PCDH15: variants seen among roughly 807,000 people sequenced by gnomAD.
PCDH15 encodes the protein protocadherin related 15.
In PCDH15, 129 loss-of-function variants were observed where a neutral mutation model predicts 178.5. The ratio of observed to expected loss-of-function variants is 0.72; its 90% confidence interval spans 0.63 to 0.84. The LOEUF is 0.84. Among genes scored for constraint, PCDH15 ranks in the 40% least tolerant of loss-of-function variants. The pLI, the probability that PCDH15 is intolerant of heterozygous loss-of-function variation, is 0.00. For missense variants in PCDH15, 2,230 were observed against 2,099.9 expected, an observed-to-expected ratio of 1.06 and a Z score of -1.21; for synonymous variants, 800 against 732.0, an observed-to-expected ratio of 1.09 and a Z score of -1.50.
intron 2 of PCDH15, among the ~76,000 whole-genome samples, chr10:55,368,217 T>C (rs60254960): frequency 0.015 from 2,283 of 152,170 alleles, 52 homozygotes; most frequent in African/African-American, 0.052. Flanking sequence ...AATGATTTCA[T>C]GTAATCAACA....
chr10:54,606,063 C>A (rs958411197), intron 2 of PCDH15: 1 of 152,088 alleles, frequency 6.6e-6, no homozygotes, highest in Non-Finnish European at 1.5e-5. Flanking sequence ...AATGGCAACA[C>A]CAATAGCTCT....
At chr10:54,891,621 T>C (rs925978609) in intron 3 of PCDH15, among the ~76,000 whole-genome samples, 1 of 152,162 alleles carries the variant, frequency 6.6e-6, no homozygotes, top group Non-Finnish European at 1.5e-5. Flanking sequence ...TTGAGAATTC[T>C]GAAAGCCTCA....
At chr10:54,960,276 TA>T (rs1564665776) in intron 2 of PCDH15, among the ~76,000 whole-genome samples, 1 of 152,130 alleles carries the variant, frequency 6.6e-6, no homozygotes, top group Non-Finnish European at 1.5e-5. Flanking sequence ...AATATAGAAA[TA>T]AAAATACCAG....
At position 54,471,109 on chromosome 10, in the gene PCDH15, G is replaced by T. The variant is rs947549899; in HGVS notation, c.157+56703C>A. ...CATATAATCATTCTGTATGTTACAT[G>T]TATTGTACAATATAGTTTTACAACA... is the stretch of plus-strand genomic sequence containing the variant. On this transcript the variant is annotated intron_variant, in intron 3 of 37. Transcript: ENST00000644397. Among the ~76,000 whole-genome samples the T allele has an allele frequency of 6.6e-4, 101 of 152,136 alleles. 1 individual carries two copies. Among genetic ancestry groups the T allele is most frequent in the Non-Finnish European group, 9.4e-4 (64 of 68,024 alleles).
At chr10:55,061,856 CT>C (rs1297635787) in intron 2 of PCDH15, among the ~76,000 whole-genome samples, 1 of 152,050 alleles carries the variant, frequency 6.6e-6, no homozygotes, top group Non-Finnish European at 1.5e-5. Flanking sequence ...CCCGACTCTA[CT>C]AAAAATACAA....
rs144228108 is a variant in PCDH15 at position 55,264,294 on chromosome 10, G to A, written c.-156+55305C>T. ...GCCAGGCCACAGGCACAATATAAATGGGCAAGACCAATTCTTGCCGATTAA... is the reference window on the plus strand; with the variant it reads ...GCCAGGCCACAGGCACAATATAAATAGGCAAGACCAATTCTTGCCGATTAA... On this transcript the variant is annotated intron_variant, in intron 1 of 5. Transcript: ENST00000458638. 3.1e-3 allele frequency among the ~76,000 whole-genome samples: 475 copies of A among 152,212 alleles called. 1 individual carries two copies. The highest frequency in any genetic ancestry group is 5.0e-3 in the Non-Finnish European group (342 of 68,022).
intron 18 of PCDH15, among the ~76,000 whole-genome samples, chr10:54,044,327 T>C (rs1366832058): frequency 1.3e-5 from 2 of 152,236 alleles, no homozygotes; most frequent in Non-Finnish European, 1.5e-5. Context: ...GTTAAAGGTA[T>C]ATAGAAGTGG....
chr10:55,434,483 T>C (rs1838984708), intron 2 of PCDH15, among the ~76,000 whole-genome samples: 2 of 152,238 alleles, frequency 1.3e-5, no homozygotes, highest in Non-Finnish European at 2.9e-5. Flanking sequence ...TGTCAAATTA[T>C]GGGTTAAAAT....
chr10:54,359,340 T>C (rs1410201779), intron 5 of PCDH15, among the ~76,000 whole-genome samples: 2 of 148,056 alleles, frequency 1.4e-5, no homozygotes, highest in Non-Finnish European at 2.9e-5. Context: ...TGTTGGTTTA[T>C]TAGTTGTTAC....
chr10:54,307,118 A>G (rs1381617991), intron 8 of PCDH15, among the ~76,000 whole-genome samples: 1,155 of 46,512 alleles, frequency 0.025, 175 homozygotes, highest in Admixed American at 0.11. Context: ...ATATATATAT[A>G]TATATATATA....
At chr10:55,595,087 C>T (rs4342935) in intron 2 of PCDH15, among the ~76,000 whole-genome samples, 103,871 of 151,870 alleles carry the variant, frequency 0.68, 35,838 homozygotes, top group African/African-American at 0.77. Context: ...AATATGAAAA[C>T]TATACAAATA....
chr10:54,734,475 C>A (rs1187950349), intron 1 of PCDH15, among the ~76,000 whole-genome samples: 2 of 151,914 alleles, frequency 1.3e-5, no homozygotes, highest in Non-Finnish European at 2.9e-5. Context: ...GATAAGACAA[C>A]AACTTTGGAA....
At chr10:55,195,983 A>G (rs987808156) in intron 1 of PCDH15, among the ~76,000 whole-genome samples, 22 of 152,066 alleles carry the variant, frequency 1.4e-4, no homozygotes, top group African/African-American at 1.9e-4. Context: ...CAAAAGAAAA[A>G]TATTTTTATT....
At position 54,074,839 on chromosome 10, in the gene PCDH15, C is replaced by A. The variant is rs141690748; in HGVS notation, c.2091+4492G>T. Among the ~76,000 whole-genome samples the A allele has an allele frequency of 9.0e-3, 1,375 of 152,260 alleles. 15 individuals carry two copies. The highest frequency in any genetic ancestry group is 0.031 in the African/African-American group (1,308 of 41,558). The stretch of plus-strand genomic sequence containing the variant: ...GTGCACAAGGGTTCCAATTTTTCCA[C>A]ATCCTCATCAACATGTTATGTTGTT... On this transcript the variant is annotated intron_variant, in intron 17 of 37. Transcript: ENST00000644397.
At chr10:55,260,264 T>C (rs951023296) in intron 1 of PCDH15, among the ~76,000 whole-genome samples, 127 of 152,216 alleles carry the variant, frequency 8.3e-4, no homozygotes, top group African/African-American at 3.0e-3. Context: ...TACAATTTCA[T>C]ATTCTAATTT....
At chr10:53,841,993 T>G (rs1234171463) in intron 28 of PCDH15, among the ~76,000 whole-genome samples, 1 of 149,496 alleles carries the variant, frequency 6.7e-6, no homozygotes, top group Non-Finnish European at 1.5e-5. Context: ...AGATAATGGA[T>G]GTACTGAGAG....
At chr10:54,538,687 G>T (rs2084857140) in intron 2 of PCDH15, among the ~76,000 whole-genome samples, 1 of 152,118 alleles carries the variant, frequency 6.6e-6, no homozygotes, top group Non-Finnish European at 1.5e-5. Flanking sequence ...CTGTTCTTGT[G>T]ATAGTGAGTG....
At chr10:54,184,320 G>A (rs1049389621) in intron 12 of PCDH15, among the ~76,000 whole-genome samples, 2 of 151,908 alleles carry the variant, frequency 1.3e-5, no homozygotes, top group African/African-American at 4.8e-5. Context: ...TGTTTAACTT[G>A]TGCTTTCTCT....
chr10:54,708,552 A>G (rs746966154), intron 1 of PCDH15, among the ~76,000 whole-genome samples: 1 of 152,200 alleles, frequency 6.6e-6, no homozygotes, highest in Non-Finnish European at 1.5e-5. Context: ...ACATTCTATT[A>G]CAGCAGCCAT....
Sources: gnomAD v4.1 joint callset for allele counts (sites outside exome capture counted in the v4.1 genomes callset) on GRCh38, gnomAD v4.1.1 for gene constraint, MANE v1.5 for transcripts, NCBI Gene and HGNC (gene_info 2026-07-23, HGNC 2026-07-21) for gene names.